The following MEF2C variants were observed in gnomAD, a reference collection of about 807,000 sequenced individuals.
The protein encoded by MEF2C is myocyte-specific enhancer factor 2C.
MEF2C carries 6 observed loss-of-function variants against 50.5 expected under a neutral mutation model. The ratio of observed to expected loss-of-function variants is 0.12; its 90% CI spans 0.07 to 0.23. The LOEUF (loss-of-function observed/expected upper bound fraction) is 0.23. Among genes scored for constraint, MEF2C ranks in the 10% least tolerant of loss-of-function variants. MEF2C has a pLI of 1.00. For synonymous variants in MEF2C, 183 were observed against 228.0 expected, an observed-to-expected ratio of 0.80 and a Z score of 1.78; for missense variants, 276 against 605.0, an observed-to-expected ratio of 0.46 and a Z score of 5.70.
chr5:88,881,300 G>C (rs1010871270), intron 1 of MEF2C: 3 of 152,138 alleles, frequency 2.0e-5, no homozygotes, highest in African/African-American at 7.2e-5. Context: ...TAGGATGTTA[G>C]ATAGGGACAT....
chr5:88,811,536 T>A (rs1011598057), intron 2 of MEF2C, among the ~76,000 whole-genome samples: 3 of 152,172 alleles, frequency 2.0e-5, no homozygotes, highest in Non-Finnish European at 2.9e-5. Context: ...CTAAGTATCA[T>A]AGGGCTTTGA....
At chr5:88,743,928 T>C in intron 6 of MEF2C, 1 of 906,368 alleles carries the variant, frequency 1.1e-6, no homozygotes, top group Non-Finnish European at 1.3e-6. Flanking sequence ...TATTAACCAA[T>C]ATACATAAAT....
intron 3 of MEF2C, among the ~76,000 whole-genome samples, chr5:88,793,919 T>A (rs1417692603): frequency 6.6e-6 from 1 of 152,126 alleles, no homozygotes; most frequent in East Asian, 1.9e-4. Context: ...CCTGTGTTAG[T>A]TTGCTGAGAA....
upstream of MEF2C, chr5:88,883,877 T>C (rs1295821164): frequency 6.6e-6 from 1 of 152,196 alleles, no homozygotes; most frequent in East Asian, 1.9e-4. Context: ...TTTAATTATG[T>C]ATATGGTATG....
At chr5:88,788,311 C>T (rs1792023084) in intron 3 of MEF2C, among the ~76,000 whole-genome samples, 1 of 152,168 alleles carries the variant, frequency 6.6e-6, no homozygotes, top group South Asian at 2.1e-4. Context: ...AGCAATTCTC[C>T]TGCTTCATCC....
At chr5:88,804,844 T>C (rs1799722890) in intron 2 of MEF2C, 43 bp from the exon 3 acceptor site, 4 of 1,523,412 alleles carry the variant, frequency 2.6e-6, no homozygotes, top group South Asian at 1.2e-5. Context: ...AAAATATTCA[T>C]GCATGTGTGG....
In MEF2C at chr5:88,743,747, A is replaced by T. The variant is rs186765884; in HGVS notation, c.637+5323T>A. 5.0e-4 allele frequency: 492 copies of T among 985,262 alleles called. 1 individual carries two copies. The highest frequency in any genetic ancestry group is 5.8e-4 in the Non-Finnish European group (483 of 829,766). The allele number at this position is 985,262 out of a possible 1,614,324, so 61.0% of individuals were successfully genotyped here. Reference sequence around the variant, plus strand: ...TATTTATCCACGGCAGTACACTGCCACCATCAACTCTCCATGTATTTAGCT... The same window carrying T: ...TATTTATCCACGGCAGTACACTGCCTCCATCAACTCTCCATGTATTTAGCT... On this transcript the variant is annotated intron_variant, in intron 6 of 10. Transcript: ENST00000504921.
chr5:88,756,801 G>A (rs886809394), intron 4 of MEF2C, among the ~76,000 whole-genome samples: 8 of 140,096 alleles, frequency 5.7e-5, no homozygotes, highest in Admixed American at 2.1e-4. Context: ...TTTTTTTTTT[G>A]TCTAAAAAAT....
intron 4 of MEF2C, among the ~76,000 whole-genome samples, chr5:88,759,253 C>G (rs202135582): frequency 2.0e-5 from 3 of 152,100 alleles, no homozygotes; most frequent in Non-Finnish European, 4.4e-5. Flanking sequence ...GAGGCCCAGG[C>G]GGGTGGATCA....
At chr5:88,764,207 A>G (rs1779005798) in intron 3 of MEF2C, among the ~76,000 whole-genome samples, 1 of 152,222 alleles carries the variant, frequency 6.6e-6, no homozygotes, top group Non-Finnish European at 1.5e-5. Flanking sequence ...CAGGGGGTAG[A>G]TATTGTGTTT....
Position 88,728,484 on chromosome 5 carries a change from A to G in MEF2C, c.1100+9T>C, listed in dbSNP as rs749997430. On this transcript the variant is annotated intron_variant, in intron 10 of 10. Transcript: ENST00000504921. ...CTAAAATTATATTATAAAAAATAAT[A>G]TTGCTTACCCCAACTGACTGAGGGC... 4.2e-6 allele frequency: 6 copies of G among 1,441,530 alleles called. No individual in the cohort carries two copies. The South Asian group carries it at 9.6e-5, about 23-fold the overall frequency. The allele number at this position is 1,441,530 out of a possible 1,614,324, so 89.3% of individuals were successfully genotyped here.
intron 1 of MEF2C, among the ~76,000 whole-genome samples, chr5:88,863,532 T>C (rs1388195203): frequency 6.6e-6 from 1 of 152,228 alleles, no homozygotes; most frequent in Non-Finnish European, 1.5e-5. Context: ...ATACAATACA[T>C]TATTATTAAC....
intron 1 of MEF2C, among the ~76,000 whole-genome samples, chr5:88,846,656 T>C (rs542290869): frequency 6.6e-6 from 1 of 152,208 alleles, no homozygotes; most frequent in African/African-American, 2.4e-5. Flanking sequence ...TGTCAAGTTG[T>C]ATTAATGGCC....
chr5:88,886,473 T>C (rs1199578454), upstream of MEF2C, among the ~76,000 whole-genome samples: 1 of 152,150 alleles, frequency 6.6e-6, no homozygotes, highest in South Asian at 2.1e-4. Flanking sequence ...ACTAAGGGAT[T>C]TGTCCTTTCT....
chr5:88,827,809 T>C (rs1811503551), intron 1 of MEF2C, among the ~76,000 whole-genome samples: 1 of 146,234 alleles, frequency 6.8e-6, no homozygotes. Flanking sequence ...AGAACCAAAA[T>C]AGATACATTA....
chr5:88,725,512 C>A (rs186452202), intron 10 of MEF2C, among the ~76,000 whole-genome samples: 3 of 151,926 alleles, frequency 2.0e-5, no homozygotes, highest in Non-Finnish European at 4.4e-5. Context: ...AATATAGACA[C>A]GAATAATTAT....
In MEF2C at chr5:88,722,285, T is replaced by G; in HGVS notation, c.*319A>C. 4.2e-6 allele frequency: 1 copy of G among 236,890 alleles called. No individual in the cohort carries two copies. The highest frequency in any genetic ancestry group is 8.2e-6 in the Non-Finnish European group (1 of 121,432). 14.7% of individuals were successfully genotyped at this position (236,890 alleles called of 1,614,324 possible). On this transcript the variant is annotated 3_prime_UTR_variant, in exon 11 of 11. Transcript: ENST00000504921. The stretch of plus-strand genomic sequence containing the variant: ...TTGTCTATTTACATGTAAATAACGT[T>G]GAACCTGCAACATGACACTATCTAT...
upstream of MEF2C, chr5:88,887,740 C>G (rs1834149398): frequency 6.6e-6 from 1 of 152,152 alleles, no homozygotes; most frequent in Admixed American, 6.5e-5. Context: ...GAATATAAGA[C>G]AACTGAAATT....
At chr5:88,825,760 C>A in intron 1 of MEF2C, 1 of 320,826 alleles carries the variant, frequency 3.1e-6, no homozygotes, top group Non-Finnish European at 4.5e-6. Context: ...TTCCCATGCA[C>A]GTTTAAGACC....
Sources: allele counts gnomAD v4.1 joint callset (sites outside exome capture counted in the v4.1 genomes callset), GRCh38; gene constraint gnomAD v4.1.1; transcripts MANE v1.5; gene names NCBI Gene and HGNC (gene_info 2026-07-23, HGNC 2026-07-21).